Variants in RGS5 observed in about 807,000 individuals in gnomAD.
The protein encoded by RGS5 is regulator of G protein signaling 5.
A neutral mutation model predicts 18.9 loss-of-function variants in RGS5; 20 were observed. The observed-to-expected ratio is 1.06, with a 90% confidence interval of 0.74 to 1.54. The LOEUF is 1.54. RGS5 is among the 40% of genes most tolerant of loss of function. The pLI is 0.00. For missense variants in RGS5, 201 were observed against 211.8 expected (o/e 0.95, Z 0.32); for synonymous variants, 57 against 76.2 (o/e 0.75, Z 1.31).
intron 2 of RGS5, among the ~76,000 whole-genome samples, chr1:163,288,650 A>G (rs903222333): frequency 6.6e-6 from 1 of 152,060 alleles, no homozygotes; most frequent in Non-Finnish European, 1.5e-5. Flanking sequence ...AGTCTTCATT[A>G]TTATAACCTT....
At chr1:163,158,575 T>C (rs912772215) in intron 3 of RGS5, among the ~76,000 whole-genome samples, 3 of 152,138 alleles carry the variant, frequency 2.0e-5, no homozygotes, top group Non-Finnish European at 4.4e-5. Flanking sequence ...GCCCCTGAGC[T>C]GTAAAACCAG....
chr1:163,183,756 G>A (rs1658954070), intron 1 of RGS5, among the ~76,000 whole-genome samples: 1 of 152,148 alleles, frequency 6.6e-6, no homozygotes, highest in Non-Finnish European at 1.5e-5. Flanking sequence ...TAGAACGAAG[G>A]GATAGCTTCT....
At chr1:163,181,069 C>A (rs752975969) in intron 1 of RGS5, among the ~76,000 whole-genome samples, 13 of 152,086 alleles carry the variant, frequency 8.5e-5, no homozygotes, top group Non-Finnish European at 1.6e-4. Context: ...TACATAAGAT[C>A]ATATGGTATG....
chr1:163,253,465 T>A (rs868318804), intron 2 of RGS5, among the ~76,000 whole-genome samples: 7 of 141,942 alleles, frequency 4.9e-5, no homozygotes, highest in South Asian at 2.3e-4. Flanking sequence ...CACGCCACCA[T>A]GCCCAACTTT....
chr1:163,241,353 T>A (rs1647787786), intron 2 of RGS5, among the ~76,000 whole-genome samples: 1 of 152,176 alleles, frequency 6.6e-6, no homozygotes, highest in Non-Finnish European at 1.5e-5. Context: ...TTGAAATATA[T>A]TATCTTCTGG....
Position 163,258,586 on chromosome 1 carries a change from T to G in RGS5, c.-281+47647A>C, listed in dbSNP as rs377304503. Among the ~76,000 whole-genome samples the G allele has an allele frequency of 2.0e-5, 3 of 152,164 alleles. No individual in the cohort carries two copies. The East Asian group carries it at 5.8e-4, about 29-fold the overall frequency. ...TTTCTATTAGCTGTTCACCTTAAGT[T>G]ATTTAACCAAAACATCCACACCCTT... On this transcript the variant is annotated intron_variant, in intron 2 of 5. Coordinates refer to the RGS5 transcript ENST00000618415.
intron 2 of RGS5, among the ~76,000 whole-genome samples, chr1:163,256,610 A>G (rs1291836048): frequency 2.0e-5 from 3 of 152,226 alleles, no homozygotes; most frequent in Non-Finnish European, 4.4e-5. Flanking sequence ...TCACAAAGAA[A>G]AGTACATCTC....
chr1:163,305,061 A>G (rs986511526), intron 2 of RGS5: 4 of 152,268 alleles, frequency 2.6e-5, no homozygotes, highest in African/African-American at 9.6e-5. Flanking sequence ...AATAATTAAA[A>G]TATAGATTTG....
At chr1:163,240,051 G>GT (rs34837921) in intron 2 of RGS5, among the ~76,000 whole-genome samples, 16,982 of 148,856 alleles carry the variant, frequency 0.11, 1,262 homozygotes, top group South Asian at 0.21. Context: ...GTTTAGCAGG[G>GT]TTTTTTTTTT....
chr1:163,158,014 T>A (rs981637176), intron 3 of RGS5, among the ~76,000 whole-genome samples: 1 of 152,130 alleles, frequency 6.6e-6, no homozygotes, highest in African/African-American at 2.4e-5. Context: ...ATGTCCCAAA[T>A]GTATCTTTCT....
At chr1:163,168,138 C>T in intron 2 of RGS5, 120 bp downstream of exon 2, 1 of 664,732 alleles carries the variant, frequency 1.5e-6, no homozygotes, top group Non-Finnish European at 2.5e-6. Context: ...TCTCTGAGGG[C>T]TCTTATGATC....
intron 2 of RGS5, among the ~76,000 whole-genome samples, chr1:163,163,190 T>G (rs1408795107): frequency 6.6e-6 from 1 of 152,182 alleles, no homozygotes; most frequent in African/African-American, 2.4e-5. Context: ...TGGGCTAAAG[T>G]ATTGTGAATA....
intron 2 of RGS5, among the ~76,000 whole-genome samples, chr1:163,243,687 T>G (rs914796984): frequency 7.7e-6 from 1 of 130,702 alleles, no homozygotes; most frequent in Admixed American, 8.1e-5. Flanking sequence ...GGTTGATAGG[T>G]GCAGCAAACC....
intron 2 of RGS5, chr1:163,237,119 G>T (rs986456466): frequency 1.3e-5 from 2 of 152,264 alleles, no homozygotes; most frequent in African/African-American, 4.8e-5. Context: ...TGGAGAGGAT[G>T]TGGAAGAACC....
chr1:163,289,302 C>G (rs1448789583), intron 2 of RGS5, among the ~76,000 whole-genome samples: 1 of 151,896 alleles, frequency 6.6e-6, no homozygotes, highest in Non-Finnish European at 1.5e-5. Context: ...CTGAAATGCC[C>G]TTCCTACCTT....
Position 163,276,213 on chromosome 1 carries a change from CG to C in RGS5, c.-281+30019del, listed in dbSNP as rs368285422. Reference sequence around the variant, plus strand: ...TTCTCCATGTTGGTCAGGCTGGTCTCGAACTCCCGACCTCAGGTGATCTGCC... The same window carrying C: ...TTCTCCATGTTGGTCAGGCTGGTCTCAACTCCCGACCTCAGGTGATCTGCC... On this transcript the variant is annotated intron_variant, in intron 2 of 5. Transcript: ENST00000618415. Among the ~76,000 whole-genome samples, 208 of 152,136 alleles carry C rather than the reference CG, an allele frequency of 1.4e-3. 2 individuals carry two copies. In the East Asian group the frequency reaches 0.014, roughly 10 times the overall value.
chr1:163,284,988 T>C (rs1031435089), intron 2 of RGS5, among the ~76,000 whole-genome samples: 1 of 152,042 alleles, frequency 6.6e-6, no homozygotes, highest in East Asian at 1.9e-4. Context: ...ACAATCATGG[T>C]AGCAGGTAAG....
intron 2 of RGS5, among the ~76,000 whole-genome samples, chr1:163,272,331 C>CA (rs1339069665): frequency 2.6e-5 from 4 of 152,016 alleles, no homozygotes; most frequent in Non-Finnish European, 5.9e-5. Context: ...TTGTACTTTG[C>CA]AAATATCTTC....
At chr1:163,282,649 G>T (rs944081183) in intron 2 of RGS5, among the ~76,000 whole-genome samples, 3 of 152,130 alleles carry the variant, frequency 2.0e-5, no homozygotes, top group African/African-American at 7.2e-5. Context: ...GTTCAAAGCT[G>T]CAGTGAGTTA....
Sources: allele counts gnomAD v4.1 joint callset (sites outside exome capture counted in the v4.1 genomes callset), GRCh38; gene constraint gnomAD v4.1.1; transcripts MANE v1.5; gene names NCBI Gene and HGNC (gene_info 2026-07-23, HGNC 2026-07-21).